Variants in RELN observed in about 807,000 individuals in gnomAD.
RELN encodes the protein reelin.
Under a neutral mutation model 427.6 loss-of-function variants are expected in RELN, and 108 were observed. The ratio of observed to expected loss-of-function variants is 0.25; its 90% CI spans 0.22 to 0.30. RELN has a LOEUF of 0.30. Among genes scored for constraint, RELN ranks in the 10% least tolerant of loss-of-function variants. RELN has a pLI of 1.00. For synonymous variants in RELN, 1,524 were observed against 1,513.4 expected (o/e 1.01, Z -0.16); for missense variants, 3,715 against 4,302.8 (o/e 0.86, Z 3.82).
Position 103,539,126 on chromosome 7 carries a change from G to A in RELN, c.7132C>T (p.Leu2378=). Residue 2378 remains leucine (L), a synonymous_variant, in exon 45 of 65, where the codon CTA becomes TTA. Transcript: ENST00000428762. ...CAGGAGGCAGCGAAGTCTATCTGTA[G>A]GAAGGAATCCTCATTCACGGCAACG... ...TDVAVNEDSF[L]QIDFAASCSV... The A allele has an allele frequency of 6.2e-7, 1 of 1,614,172 alleles. No individual in the cohort carries two copies. The highest frequency in any genetic ancestry group is 8.5e-7 in the Non-Finnish European group (1 of 1,180,038).
At chr7:103,764,705 G>T (rs1210564580) in intron 4 of RELN, among the ~76,000 whole-genome samples, 1 of 151,714 alleles carries the variant, frequency 6.6e-6, no homozygotes, top group African/African-American at 2.4e-5. Flanking sequence ...GCATGGTGGT[G>T]CATGCCTGTA....
At chr7:103,773,214 T>C (rs146242366) in intron 4 of RELN, among the ~76,000 whole-genome samples, 965 of 76,850 alleles carry the variant, frequency 0.013, 5 homozygotes, top group Middle Eastern at 0.036. Context: ...TCTCTCTCTC[T>C]CTCCCTCCCT....
At chr7:103,957,390 T>C (rs1031513007) in intron 1 of RELN, among the ~76,000 whole-genome samples, 3 of 152,326 alleles carry the variant, frequency 2.0e-5, no homozygotes, top group Admixed American at 2.0e-4. Context: ...TATCTAATTC[T>C]AAGGGAGTTG....
intron 20 of RELN, among the ~76,000 whole-genome samples, chr7:103,625,832 C>T (rs923951928): frequency 1.3e-5 from 2 of 151,804 alleles, no homozygotes; most frequent in African/African-American, 2.4e-5. Flanking sequence ...TTTGGTAATT[C>T]GAAAAAGAAA....
intron 3 of RELN, among the ~76,000 whole-genome samples, chr7:103,804,051 A>C (rs181261634): frequency 6.6e-4 from 101 of 152,228 alleles, no homozygotes; most frequent in African/African-American, 2.3e-3. Context: ...CACCTTCAGT[A>C]CTGCTCAGAG....
Position 103,561,574 on chromosome 7 carries a change from A to C in RELN, c.5487T>G (p.Asn1829Lys). 1.9e-6 allele frequency: 3 copies of C among 1,613,942 alleles called. No individual in the cohort carries two copies. The South Asian group carries it at 3.3e-5, about 18-fold the overall frequency. Residue 1829 changes from asparagine to lysine, a missense_variant, in exon 36 of 65, where the codon AAT becomes AAG. Asn to Lys is a moderately conservative substitution (Grantham distance 94, BLOSUM62 0). Coordinates refer to ENST00000428762, the MANE Select transcript of RELN (RefSeq NM_005045.4). ...EVYGAERGNL[N>K]GETIKSGTSL... ...ATGTTCCAGATTTGATGGTTTCACC[A>C]TTCAGATTCCCCCTCTCTGCACCAT...
chr7:103,641,906 C>A (rs1476798105), intron 16 of RELN, among the ~76,000 whole-genome samples: 1 of 152,210 alleles, frequency 6.6e-6, no homozygotes, highest in East Asian at 1.9e-4. Flanking sequence ...AGAGATAGGG[C>A]ACCCATGTCA....
In RELN at chr7:103,824,536, G is replaced by C. The variant is rs117566198; in HGVS notation, c.473+9001C>G. Among the ~76,000 whole-genome samples, 274 of 151,822 alleles carry C rather than the reference G, an allele frequency of 1.8e-3. 1 individual carries two copies. Among genetic ancestry groups the C allele is most frequent in the Non-Finnish European group, 3.2e-3 (215 of 67,938 alleles). ...TAAATCAGGTTTAAGAGACCTGCAG[G>C]CCACCACAATGTCAGTTCCTATTTC... is the stretch of plus-strand genomic sequence containing the variant. On this transcript the variant is annotated intron_variant, in intron 3 of 64. Coordinates refer to ENST00000428762, the MANE Select transcript of RELN (RefSeq NM_005045.4). The surrounding 1 kb of genome is among the most constrained non-coding windows in gnomAD (Gnocchi z 4.4).
intron 2 of RELN, among the ~76,000 whole-genome samples, chr7:103,852,717 T>A (rs1793854356): frequency 6.6e-6 from 1 of 152,022 alleles, no homozygotes; most frequent in African/African-American, 2.4e-5. Context: ...TAGAATAAAT[T>A]AAATAACATT....
At chr7:103,534,981 A>G (rs1830017827) in intron 46 of RELN, among the ~76,000 whole-genome samples, 1 of 152,202 alleles carries the variant, frequency 6.6e-6, no homozygotes. Context: ...TCTGTATCCA[A>G]TGGGCCTATT....
At chr7:103,827,591 C>T (rs935002281) in intron 3 of RELN, among the ~76,000 whole-genome samples, 8 of 151,958 alleles carry the variant, frequency 5.3e-5, no homozygotes, top group East Asian at 1.9e-4. Context: ...AGACCCTGAA[C>T]TTAGGCTTTC....
intron 1 of RELN, among the ~76,000 whole-genome samples, chr7:103,943,790 G>A (rs900583474): frequency 2.2e-5 from 3 of 136,080 alleles, no homozygotes; most frequent in African/African-American, 8.5e-5. Flanking sequence ...AGAGGTTGCT[G>A]TGAGCTGAGA....
chr7:103,721,288 C>T (rs372933982), intron 8 of RELN, among the ~76,000 whole-genome samples: 4 of 151,534 alleles, frequency 2.6e-5, no homozygotes, highest in East Asian at 1.9e-4. Flanking sequence ...AATTCTGTTA[C>T]TCTTCCAGTC....
intron 2 of RELN, among the ~76,000 whole-genome samples, chr7:103,847,176 T>C (rs919360694): frequency 6.6e-6 from 1 of 152,050 alleles, no homozygotes; most frequent in African/African-American, 2.4e-5. Context: ...ACCCAAATGC[T>C]CATCAATGAT....
At chr7:103,872,207 TC>T (rs1216164025) in intron 2 of RELN, among the ~76,000 whole-genome samples, 3 of 81,244 alleles carry the variant, frequency 3.7e-5, no homozygotes, top group Non-Finnish European at 7.2e-5. Context: ...ATGCTATCCC[TC>T]CCCCCTCCCC....
Position 103,574,289 on chromosome 7 carries a change from T to A in RELN, c.4314A>T (p.Gly1438=), listed in dbSNP as rs368010584. The change falls in exon 30 of 65, where the codon GGA becomes GGT. Residue 1438 remains glycine (G), a synonymous_variant. Transcript: ENST00000428762. The part of the protein sequence containing the change: ...FCDLGYTAAQ[G]TCVSNVPNHN... ...GATTGGGGACATTTGACACACAGGT[T>A]CCTTGTGCAGCTTCAGAAAAAGAAA... The A allele has an allele frequency of 2.5e-6, 4 of 1,613,928 alleles. No individual in the cohort carries two copies. In the African/African-American group the frequency reaches 5.3e-5, roughly 22 times the overall value.
Position 103,551,073 on chromosome 7 carries a change from A to G in RELN, c.6296T>C (p.Leu2099Pro), listed in dbSNP as rs1428607212. 1.2e-6 allele frequency: 2 copies of G among 1,612,882 alleles called. No individual in the cohort carries two copies. Among genetic ancestry groups the G allele is most frequent in the Non-Finnish European group, 1.7e-6 (2 of 1,179,666 alleles). The change falls in exon 41 of 65, where the codon CTT becomes CCT. Residue 2099 changes from leucine to proline, a missense_variant. Physicochemically the swap from Leu to Pro is moderately conservative, Grantham distance 98. This residue lies in a region of RELN where 1,310 missense variants were observed against 1,643.0 expected (regional missense o/e 0.80). Coordinates refer to ENST00000428762, the MANE Select transcript of RELN (RefSeq NM_005045.4). ...REVVHFGKLHLCGSVRFRWYQ... is the reference protein window; with the variant it reads ...REVVHFGKLHPCGSVRFRWYQ... ...TCAAGCAGCGGGTCCTTACCCACAAAGGTGCAGCTTCCCAAAGTGCACGAC... is the reference window on the plus strand; with the variant it reads ...TCAAGCAGCGGGTCCTTACCCACAAGGGTGCAGCTTCCCAAAGTGCACGAC...
intron 60 of RELN, among the ~76,000 whole-genome samples, chr7:103,489,530 T>A (rs1828577313): frequency 6.6e-6 from 1 of 152,222 alleles, no homozygotes; most frequent in South Asian, 2.1e-4. Flanking sequence ...AGATTTCATT[T>A]CTATATTTTA....
intron 3 of RELN, among the ~76,000 whole-genome samples, chr7:103,779,513 CTT>C (rs1205939660): frequency 1.3e-5 from 2 of 152,126 alleles, no homozygotes; most frequent in African/African-American, 4.8e-5. Flanking sequence ...AGTAGATACT[CTT>C]ATCCATTTTT....
Sources: gnomAD v4.1 joint callset for allele counts (sites outside exome capture counted in the v4.1 genomes callset) on GRCh38, gnomAD v4.1.1 for gene constraint, gnomAD v4.1.1 regional missense constraint, Gnocchi (gnomAD v3.1) non-coding constraint, MANE v1.5 for transcripts, NCBI Gene and HGNC (gene_info 2026-07-23, HGNC 2026-07-21) for gene names.